GRAMD1A: variants seen among roughly 807,000 people sequenced by gnomAD.
GRAMD1A encodes the protein protein Aster-A.
GRAMD1A carries 50 observed loss-of-function variants against 92.0 expected under a neutral mutation model. The ratio of observed to expected loss-of-function variants is 0.54; its 90% CI spans 0.43 to 0.69. The LOEUF (loss-of-function observed/expected upper bound fraction) is 0.69, where lower values mean the gene tolerates loss of function less well. GRAMD1A is among the 30% of genes least tolerant of loss of function. The pLI, the probability that GRAMD1A is intolerant of heterozygous loss-of-function variation, is 0.00. For synonymous variants in GRAMD1A, 405 were observed against 403.6 expected, an observed-to-expected ratio of 1.00 and a Z score of -0.04; for missense variants, 819 against 978.9, an observed-to-expected ratio of 0.84 and a Z score of 2.18.
chr19:35,009,574 C>G, intron 3 of GRAMD1A, 131 bp downstream of exon 3: 1 of 929,638 alleles, frequency 1.1e-6, no homozygotes, highest in Non-Finnish European at 1.7e-6. Context: ...ACGTTCTATG[C>G]TATTATTTAT....
intron 1 of GRAMD1A, among the ~76,000 whole-genome samples, chr19:35,001,677 G>A (rs1054435303): frequency 2.6e-5 from 4 of 151,816 alleles, no homozygotes; most frequent in African/African-American, 7.3e-5. Flanking sequence ...GCACGATCTC[G>A]GCCCACTGCA....
At chr19:35,017,058 C>T (rs1237933274) in intron 11 of GRAMD1A, among the ~76,000 whole-genome samples, 1 of 151,764 alleles carries the variant, frequency 6.6e-6, no homozygotes, top group African/African-American at 2.4e-5. Context: ...ACCCGTAATC[C>T]CAGCTACTCT....
intron 1 of GRAMD1A, among the ~76,000 whole-genome samples, chr19:35,005,368 C>T (rs981034126): frequency 2.6e-5 from 4 of 151,872 alleles, no homozygotes; most frequent in Non-Finnish European, 5.9e-5. Context: ...GAGCAGAGAC[C>T]TGAGGGAGGT....
At position 35,021,802 on chromosome 19, in the gene GRAMD1A, A is replaced by G; in HGVS notation, c.1691A>G (p.His564Arg). 6.2e-7 allele frequency: 1 copy of G among 1,610,120 alleles called. No homozygotes were observed. Among genetic ancestry groups the G allele is most frequent in the Non-Finnish European group, 8.5e-7 (1 of 1,178,362 alleles). Residue 564 changes from histidine (H) to arginine (R), a missense_variant, in exon 15 of 20, where the codon CAC (histidine) becomes CGC (arginine). This residue lies in a region of GRAMD1A where 577 missense variants were observed against 674.6 expected (regional missense o/e 0.86). Transcript: ENST00000317991. The surrounding 1 kb of genome is among the most constrained non-coding windows in gnomAD (Gnocchi z 5.3). Reference protein sequence around the residue: ...RRKRPLSWRAHGDGPQHPDPD... With the variant: ...RRKRPLSWRARGDGPQHPDPD... ...AAGCGGCCCCTGAGCTGGCGGGCTCACGGGGACGGGCCCCAGCACCCAGAT... is the reference window on the plus strand; with the variant it reads ...AAGCGGCCCCTGAGCTGGCGGGCTCGCGGGGACGGGCCCCAGCACCCAGAT...
chr19:35,017,461 A>T (rs1397090764), intron 11 of GRAMD1A, among the ~76,000 whole-genome samples: 1 of 152,066 alleles, frequency 6.6e-6, no homozygotes, highest in Non-Finnish European at 1.5e-5. Context: ...ACAGAAAAAG[A>T]AACAAAGAGA....
upstream of GRAMD1A, chr19:35,000,163 T>G (rs1382316613): frequency 9.9e-7 from 1 of 1,007,006 alleles, no homozygotes; most frequent in Non-Finnish European, 1.2e-6. This position sits in a 1 kb window ranked among gnomAD's most constrained non-coding sequence, Gnocchi z 4.9. Flanking sequence ...CTGCTTTCCC[T>G]TCTCTGTCCA....
rs564668100 is a variant in GRAMD1A, at chr19:34,994,991, ACTG to A, written c.-30+168_-30+170del. ...AAGCCCCTGTCTTGAGGACAGAGAG[ACTG>A]CGGTCTGGCCTCCCCAGACCCAGGC... On this transcript the variant is annotated intron_variant, in intron 1 of 19. Transcript: ENST00000599564. 1.6e-4 allele frequency among the ~76,000 whole-genome samples: 24 copies of A among 152,292 alleles called. 1 individual carries two copies. The South Asian group carries it at 5.0e-3, about 32-fold the overall frequency.
chr19:35,007,536 C>T lies in GRAMD1A; in HGVS notation c.9-1583C>T, dbSNP rs538956787. On this transcript the variant is annotated intron_variant, in intron 1 of 19. Transcript: ENST00000317991. ...TCATGCCATTGCACTGCAGCCTGGG[C>T]GACAGAGAGAGACCCCATCTCAAAA... is the stretch of plus-strand genomic sequence containing the variant. Among the ~76,000 whole-genome samples, 37 of 151,244 alleles carry T rather than the reference C, an allele frequency of 2.4e-4. No individual in the cohort carries two copies. The South Asian group carries it at 4.8e-3, about 20-fold the overall frequency.
At chr19:35,009,861 A>C (rs375560829) in intron 3 of GRAMD1A, 27 bp from the exon 4 acceptor site, 12 of 1,385,208 alleles carry the variant, frequency 8.7e-6, no homozygotes, top group Non-Finnish European at 1.2e-5. Flanking sequence ...ACCCCCATCC[A>C]GGTTCTCACC....
rs755975236 is a variant in GRAMD1A, at chr19:35,019,403, C to T, written c.1345C>T (p.Arg449Cys). 46 of 1,613,676 alleles carry T rather than the reference C, an allele frequency of 2.9e-5. No homozygotes were observed. Among genetic ancestry groups the T allele is most frequent in the African/African-American group, 6.7e-5 (5 of 74,918 alleles). ...SVVETQTLFR[R>C]GPQAGGCVVD... Reference sequence around the variant, plus strand: ...TCTGTCCCTGCAGACGCTGTTCCGGCGCGGCCCCCAGGCCGGCGGGTGTGT... The same window carrying T: ...TCTGTCCCTGCAGACGCTGTTCCGGTGCGGCCCCCAGGCCGGCGGGTGTGT... The change falls in exon 13 of 20, where the codon CGC becomes TGC. Residue 449 changes from arginine (R) to cysteine (C), a missense_variant. Physicochemically the swap from Arg to Cys is radical, Grantham distance 180 (BLOSUM62 -3). This residue lies in a region of GRAMD1A where 577 missense variants were observed against 674.6 expected (regional missense o/e 0.86). Transcript: ENST00000317991.
At chr19:35,009,554 A>G in intron 3 of GRAMD1A, 111 bp downstream of exon 3, 1 of 1,082,156 alleles carries the variant, frequency 9.2e-7, no homozygotes, top group South Asian at 1.3e-5. Context: ...GTGGGTGCAG[A>G]CCTAGGGTCA....
Position 35,023,338 on chromosome 19 carries a change from C to A in GRAMD1A, c.1956C>A (p.Ala652=). 1 of 1,614,026 alleles carries A rather than the reference C, an allele frequency of 6.2e-7. No homozygotes were observed. The highest frequency in any genetic ancestry group is 2.2e-5 in the East Asian group (1 of 44,880). Residue 652 remains alanine, a synonymous_variant, in exon 18 of 20, where the codon GCC becomes GCA. Transcript: ENST00000317991. Reference sequence around the variant, plus strand: ...AGTCCTGGCACAGCCTGGCCCTGGCCAAGGGGTGAGTGGGTAGCCTGGGGA... The same window carrying A: ...AGTCCTGGCACAGCCTGGCCCTGGCAAAGGGGTGAGTGGGTAGCCTGGGGA... ...TFESWHSLAL[A]KGKFPQTATE...
In GRAMD1A at chr19:35,019,064, G is replaced by A; in HGVS notation, c.1214-127G>A. On this transcript the variant is annotated intron_variant, in intron 11 of 19. Transcript: ENST00000317991. ...GTTTTAGGCTCCTGGAAGGAAGGTG[G>A]GGACACAGAGGAGTGGTGGGGATTG... is the stretch of plus-strand genomic sequence containing the variant. 4 of 685,738 alleles carry A rather than the reference G, an allele frequency of 5.8e-6. No individual in the cohort carries two copies. The South Asian group carries it at 7.1e-5, about 12-fold the overall frequency. The allele number at this position is 685,738 out of a possible 1,614,324, so 42.5% of individuals were successfully genotyped here. A position where few individuals can be genotyped will look rare whatever the true frequency, so the allele number is the denominator to read the frequency against.
chr19:35,023,645 CAG>C, intron 19 of GRAMD1A, 98 bp downstream of exon 19: 1 of 1,147,488 alleles, frequency 8.7e-7, no homozygotes, highest in East Asian at 2.6e-5. Context: ...CTCCGGATCT[CAG>C]TGTCCTCCTC....
At chr19:35,014,446 A>G (rs2015480749) in intron 10 of GRAMD1A, 59 bp downstream of exon 10, 6 of 1,449,900 alleles carry the variant, frequency 4.1e-6, no homozygotes. Context: ...GCTCAGTCTT[A>G]AGCAAGAGGG....
intron 4 of GRAMD1A, 57 bp downstream of exon 4, chr19:35,010,029 C>T: frequency 6.5e-7 from 1 of 1,529,622 alleles, no homozygotes. Flanking sequence ...TCTCCGCCAG[C>T]CCGCGGGCGC....
intron 11 of GRAMD1A, among the ~76,000 whole-genome samples, chr19:35,017,130 A>G (rs1184465428): frequency 6.6e-6 from 1 of 151,706 alleles, no homozygotes; most frequent in Non-Finnish European, 1.5e-5. Context: ...AGCCAAGATC[A>G]TGCCACTGCA....
chr19:35,015,573 T>G, intron 10 of GRAMD1A: 1 of 424,222 alleles, frequency 2.4e-6, no homozygotes, highest in East Asian at 4.1e-5. Context: ...ATCCCTGTGA[T>G]TTAAATCTCA....
upstream of GRAMD1A, among the ~76,000 whole-genome samples, chr19:34,999,141 A>G (rs2014173466): frequency 6.6e-6 from 1 of 152,018 alleles, no homozygotes; most frequent in Admixed American, 6.6e-5. Context: ...GAGAGGATGG[A>G]GGCTGGGCCA....
Sources: allele counts gnomAD v4.1 joint callset (sites outside exome capture counted in the v4.1 genomes callset), GRCh38; gene constraint gnomAD v4.1.1; regional missense constraint gnomAD v4.1.1; non-coding constraint Gnocchi (gnomAD v3.1); transcripts MANE v1.5; gene names NCBI Gene and HGNC (gene_info 2026-07-23, HGNC 2026-07-21).